Variants in RBFOX1 observed in about 807,000 individuals in gnomAD.
RBFOX1 encodes RNA binding fox-1 homolog 1.
A neutral mutation model predicts 57.7 loss-of-function variants in RBFOX1; 8 were observed. The observed-to-expected ratio is 0.14, with a 90% CI of 0.08 to 0.25. The LOEUF is 0.25. Ranked by LOEUF, RBFOX1 falls within the 10% of genes least tolerant of loss-of-function variation. The pLI is 1.00. For missense variants in RBFOX1, 611 were observed against 548.5 expected (o/e 1.11, Z -1.14); for synonymous variants, 326 against 222.4 (o/e 1.47, Z -4.15).
intron 3 of RBFOX1, among the ~76,000 whole-genome samples, chr16:6,850,235 G>A (rs547006129): frequency 1.2e-4 from 19 of 152,268 alleles, no homozygotes; most frequent in South Asian, 1.0e-3. Flanking sequence ...CTTTTGGGGC[G>A]TAAAGTGTAG....
chr16:5,804,884 G>A (rs144943267), intron 3 of RBFOX1, among the ~76,000 whole-genome samples: 62 of 152,330 alleles, frequency 4.1e-4, no homozygotes, highest in African/African-American at 1.4e-3. Context: ...TGATGGATAT[G>A]TGGGGAATTG....
intron 1 of RBFOX1, among the ~76,000 whole-genome samples, chr16:6,067,050 G>C (rs1443023825): frequency 6.6e-6 from 1 of 152,140 alleles, no homozygotes; most frequent in Non-Finnish European, 1.5e-5. Context: ...ATTTACAAGT[G>C]ATCTGAGATT....
At chr16:6,987,593 C>G (rs563428796) in intron 3 of RBFOX1, among the ~76,000 whole-genome samples, 1 of 152,042 alleles carries the variant, frequency 6.6e-6, no homozygotes, top group Non-Finnish European at 1.5e-5. Flanking sequence ...ACAAACTTAC[C>G]TGCAATCTCA....
At chr16:6,518,797 G>A (rs71386436) in intron 2 of RBFOX1, among the ~76,000 whole-genome samples, 1,117 of 104,034 alleles carry the variant, frequency 0.011, 7 homozygotes, top group South Asian at 0.027. Flanking sequence ...CTGTGTGTCT[G>A]TCTATCTATC....
At chr16:6,932,569 C>T (rs1462839612) in intron 3 of RBFOX1, among the ~76,000 whole-genome samples, 14 of 152,124 alleles carry the variant, frequency 9.2e-5, no homozygotes, top group Admixed American at 8.5e-4. Flanking sequence ...TTAGTGCTGG[C>T]TGTAGGTCGT....
chr16:5,337,730 G>A (rs17137855), intron 1 of RBFOX1, among the ~76,000 whole-genome samples: 8,816 of 152,238 alleles, frequency 0.058, 893 homozygotes, highest in African/African-American at 0.2. Context: ...TGCCTGTACA[G>A]ATAGTTGAGA....
chr16:6,598,791 C>T (rs993085972), intron 2 of RBFOX1, among the ~76,000 whole-genome samples: 1 of 152,072 alleles, frequency 6.6e-6, no homozygotes, highest in South Asian at 2.1e-4. Flanking sequence ...ACTAAAAATA[C>T]AAAAATTAGC....
chr16:6,290,245 A>C (rs2077332029), intron 1 of RBFOX1, among the ~76,000 whole-genome samples: 1 of 150,046 alleles, frequency 6.7e-6, no homozygotes, highest in Non-Finnish European at 1.5e-5. Flanking sequence ...CCGTGTGAAT[A>C]ACATGTGCAC....
At chr16:5,251,550 C>T (rs1265108554) in intron 1 of RBFOX1, among the ~76,000 whole-genome samples, 8 of 152,170 alleles carry the variant, frequency 5.3e-5, no homozygotes, top group Non-Finnish European at 1.0e-4. Context: ...GCAGCAGAAA[C>T]AGAGGAAAGA....
In RBFOX1 at chr16:6,925,109, G is replaced by GTTTTTTTTTTTTTTT. The variant is rs57556084; in HGVS notation, c.-15-126920_-15-126906dup. 3.5e-4 allele frequency among the ~76,000 whole-genome samples: 16 copies of GTTTTTTTTTTTTTTT among 45,250 alleles called. 5 individuals are homozygous for GTTTTTTTTTTTTTTT. Among genetic ancestry groups the GTTTTTTTTTTTTTTT allele is most frequent in the African/African-American group, 1.1e-3 (12 of 11,332 alleles). The allele number at this position is 45,250 out of a possible 152,430, so 29.7% of individuals were successfully genotyped here. A position where few individuals can be genotyped will look rare whatever the true frequency, so the allele number is the denominator to read the frequency against. ...TCGTTGTTGGACATCTAGGTTGTTG[G>GTTTTTTTTTTTTTTT]TTTTTTTTTTTTTTTTTTTTTTTTT... On this transcript the variant is annotated intron_variant, in intron 3 of 15. Coordinates refer to ENST00000550418, the MANE Select transcript of RBFOX1 (RefSeq NM_018723.4).
intron 3 of RBFOX1, among the ~76,000 whole-genome samples, chr16:6,859,115 A>G (rs1204235408): frequency 6.7e-4 from 47 of 70,356 alleles, no homozygotes; most frequent in African/African-American, 3.7e-3. Flanking sequence ...AAAAGTGTAT[A>G]TATATATATA....
chr16:6,671,400 A>C (rs2098764121), intron 3 of RBFOX1, among the ~76,000 whole-genome samples: 1 of 152,214 alleles, frequency 6.6e-6, no homozygotes. Context: ...TAAAATTTGC[A>C]TGGAAAAGAG....
In RBFOX1 at chr16:6,644,450, T is replaced by A. The variant is rs1487389659; in HGVS notation, c.-63-10153T>A. 3.3e-5 allele frequency among the ~76,000 whole-genome samples: 5 copies of A among 152,222 alleles called. No individual in the cohort carries two copies. In the South Asian group the frequency reaches 8.3e-4, roughly 25 times the overall value. On this transcript the variant is annotated intron_variant, in intron 2 of 15. Transcript: ENST00000550418. ...GCAAAACCTTCTTCCTCAGCAGTAA[T>A]CAATTTCTCAGTTGATCATAAGCCG...
intron 4 of RBFOX1, among the ~76,000 whole-genome samples, chr16:7,160,259 A>G (rs1197851671): frequency 1.3e-5 from 2 of 151,716 alleles, no homozygotes; most frequent in South Asian, 2.1e-4. Flanking sequence ...GCCAGATGGC[A>G]TTGTTTTCTT....
At chr16:6,216,378 C>T (rs1347670313) in intron 1 of RBFOX1, among the ~76,000 whole-genome samples, 1 of 152,108 alleles carries the variant, frequency 6.6e-6, no homozygotes, top group African/African-American at 2.4e-5. Context: ...CACAGAGAAA[C>T]AGGCATGAGA....
intron 3 of RBFOX1, among the ~76,000 whole-genome samples, chr16:7,028,254 G>A (rs1031421523): frequency 3.3e-5 from 5 of 152,022 alleles, no homozygotes; most frequent in African/African-American, 1.2e-4. Flanking sequence ...CTTGCTCTAC[G>A]TGTAAGCCAT....
chr16:5,925,271 C>T (rs1294492192), intron 4 of RBFOX1, among the ~76,000 whole-genome samples: 1 of 152,168 alleles, frequency 6.6e-6, no homozygotes, highest in Non-Finnish European at 1.5e-5. Flanking sequence ...TGTCCATCAG[C>T]AAGTGAACAG....
chr16:6,231,312 A>T (rs924678052), intron 1 of RBFOX1, among the ~76,000 whole-genome samples: 3 of 151,862 alleles, frequency 2.0e-5, no homozygotes, highest in African/African-American at 7.3e-5. Flanking sequence ...GGATATGTTG[A>T]AAGATGAAGG....
chr16:6,268,559 G>A (rs889828215), intron 1 of RBFOX1, among the ~76,000 whole-genome samples: 4 of 152,072 alleles, frequency 2.6e-5, no homozygotes, highest in Non-Finnish European at 4.4e-5. Context: ...ATTCTCAAGG[G>A]TTTACTCTAG....
Sources: allele counts gnomAD v4.1 joint callset (sites outside exome capture counted in the v4.1 genomes callset), GRCh38; gene constraint gnomAD v4.1.1; transcripts MANE v1.5; gene names NCBI Gene and HGNC (gene_info 2026-07-23, HGNC 2026-07-21).